Variants in OCA2 observed in about 807,000 individuals in gnomAD.
The protein encoded by OCA2 is P protein.
A neutral mutation model predicts 100.2 loss-of-function variants in OCA2; 77 were observed. That is an observed-to-expected ratio of 0.77 (90% CI 0.64 to 0.93). The LOEUF (loss-of-function observed/expected upper bound fraction) is 0.93, where lower values mean the gene tolerates loss of function less well. Ranked by LOEUF, OCA2 falls within the 40% of genes least tolerant of loss-of-function variation. OCA2 has a pLI of 0.00. For synonymous variants in OCA2, 432 were observed against 439.2 expected (o/e 0.98, Z 0.21); for missense variants, 1,062 against 1,089.1 (o/e 0.98, Z 0.35).
intron 2 of OCA2, among the ~76,000 whole-genome samples, chr15:28,042,355 G>A (rs764721984): frequency 9.9e-5 from 15 of 151,944 alleles, no homozygotes; most frequent in Non-Finnish European, 1.9e-4. Context: ...GGCCAGGTGC[G>A]GTGGCTCACG....
intron 2 of OCA2, among the ~76,000 whole-genome samples, chr15:28,078,388 G>A (rs967256633): frequency 6.6e-6 from 1 of 152,140 alleles, no homozygotes; most frequent in Non-Finnish European, 1.5e-5. Flanking sequence ...ATCCCTGAGA[G>A]TGGGCTGGAC....
At chr15:27,777,017 C>T (rs2032275117) in intron 23 of OCA2, among the ~76,000 whole-genome samples, 1 of 151,808 alleles carries the variant, frequency 6.6e-6, no homozygotes, top group Non-Finnish European at 1.5e-5. Context: ...TCCCCCCACA[C>T]CAGCCCTGCC....
chr15:27,831,284 C>CAAAAAAAAAAAAAAAAAAAAAAAAAAAA (rs71132824), intron 23 of OCA2, among the ~76,000 whole-genome samples: 1 of 62,618 alleles, frequency 1.6e-5, no homozygotes, highest in Non-Finnish European at 2.8e-5. Flanking sequence ...GACTCCGTCT[C>CAAAAAAAAAAAAAAAAAAAAAAAAAAAA]AAAAAAAAAA....
chr15:28,024,756 C>G, intron 5 of OCA2, 89 bp downstream of exon 5: 6 of 1,358,756 alleles, frequency 4.4e-6, no homozygotes, highest in Non-Finnish European at 6.3e-6. Flanking sequence ...CACTGAGCCC[C>G]ACACCTCAGG....
downstream of OCA2, among the ~76,000 whole-genome samples, chr15:27,754,030 C>T (rs935646754): frequency 6.6e-5 from 10 of 152,058 alleles, no homozygotes; most frequent in African/African-American, 1.2e-4. Flanking sequence ...AAGCAAAGTA[C>T]GGGCAGCACG....
chr15:27,725,526 C>T, the OCA2 span, among the ~76,000 whole-genome samples: 2 of 152,188 alleles, frequency 1.3e-5, no homozygotes, highest in African/African-American at 2.4e-5. Flanking sequence ...CAAGGTTGTG[C>T]CACTGCACTC....
intron 2 of OCA2, 60 bp from the exon 3 acceptor site, chr15:28,032,223 G>A: frequency 8.2e-7 from 1 of 1,223,688 alleles, no homozygotes; most frequent in East Asian, 2.3e-5. Context: ...TGTGTTCCCA[G>A]CACTCAGGTG....
At chr15:27,923,805 T>A (rs916192896) in intron 19 of OCA2, among the ~76,000 whole-genome samples, 1 of 152,204 alleles carries the variant, frequency 6.6e-6, no homozygotes, top group African/African-American at 2.4e-5. Flanking sequence ...TTTTTCCCAT[T>A]CTGTAGATTG....
chr15:27,937,212 C>A (rs962488970), intron 18 of OCA2, among the ~76,000 whole-genome samples: 1 of 152,104 alleles, frequency 6.6e-6, no homozygotes, highest in East Asian at 1.9e-4. Context: ...TTCTTTTGGC[C>A]AACACATTTG....
rs572599232 is a variant in OCA2, at chr15:27,790,656, G to A, written c.2433-35184C>T. ...TGTAAAGGGGTACCAGAAAAGTTCT[G>A]GGTGTGATGGAAATATTCTATGTCT... On this transcript the variant is annotated intron_variant, in intron 23 of 23. Transcript: ENST00000354638. 1.1e-3 allele frequency among the ~76,000 whole-genome samples: 171 copies of A among 152,284 alleles called. 1 individual carries two copies. Among genetic ancestry groups the A allele is most frequent in the Middle Eastern group, 6.8e-3 (2 of 294 alleles).
In OCA2 at chr15:27,761,488, A is replaced by C. The variant is rs974522453; in HGVS notation, c.2433-6016T>G. Among the ~76,000 whole-genome samples, 3 of 151,688 alleles carry C rather than the reference A, an allele frequency of 2.0e-5. No homozygotes were observed. In the East Asian group the frequency reaches 5.8e-4, roughly 29 times the overall value. ...AAAAAAAAAAACCCAAAGCAGTTCT[A>C]GATAAATGGAGAGATATAGAGTGTT... On this transcript the variant is annotated intron_variant, in intron 23 of 23. Transcript: ENST00000354638.
At chr15:27,890,800 G>C (rs1289307900) in intron 19 of OCA2, among the ~76,000 whole-genome samples, 1 of 152,180 alleles carries the variant, frequency 6.6e-6, no homozygotes, top group East Asian at 1.9e-4. Context: ...GGCCGAGGCA[G>C]GTGGATCACG....
At chr15:27,842,818 G>A (rs1473697783) in intron 23 of OCA2, among the ~76,000 whole-genome samples, 2 of 151,280 alleles carry the variant, frequency 1.3e-5, no homozygotes, top group East Asian at 1.9e-4. Context: ...CACAGTAACT[G>A]CACACACGCA....
chr15:27,890,794 G>A (rs1467216967), intron 19 of OCA2, among the ~76,000 whole-genome samples: 1 of 152,108 alleles, frequency 6.6e-6, no homozygotes, highest in Non-Finnish European at 1.5e-5. Flanking sequence ...TTGGGAGGCC[G>A]AGGCAGGTGG....
intron 2 of OCA2, among the ~76,000 whole-genome samples, chr15:28,067,964 G>C (rs956607562): frequency 2.0e-5 from 3 of 152,170 alleles, no homozygotes; most frequent in African/African-American, 7.2e-5. Context: ...GTGTGGTACT[G>C]TAAGTCTTTT....
At chr15:28,056,935 G>A (rs1466109500) in intron 2 of OCA2, among the ~76,000 whole-genome samples, 1 of 152,244 alleles carries the variant, frequency 6.6e-6, no homozygotes, top group African/African-American at 2.4e-5. Context: ...CCTGCCTCTG[G>A]TGCATGTGTG....
intron 2 of OCA2, among the ~76,000 whole-genome samples, chr15:28,069,379 TCCCTCCCCCTCC>T (rs1566862363): frequency 1.3e-4 from 1 of 7,644 alleles, no homozygotes; most frequent in Non-Finnish European, 2.1e-4. Flanking sequence ...CCTCTCCCTC[TCCCTCCCCCTCC>T]CCCTCCCCCT....
chr15:27,821,557 TCACA>T (rs1031206840), intron 23 of OCA2, among the ~76,000 whole-genome samples: 32 of 151,098 alleles, frequency 2.1e-4, no homozygotes, highest in Admixed American at 4.6e-4. Context: ...ATGCACACAT[TCACA>T]CACACACAAT....
chr15:27,753,644 G>A (rs1158685320), downstream of OCA2, among the ~76,000 whole-genome samples: 2 of 152,086 alleles, frequency 1.3e-5, no homozygotes, highest in African/African-American at 4.8e-5. Flanking sequence ...GGCTGAGGCA[G>A]GAGAATGGCG....
Sources: allele counts gnomAD v4.1 joint callset (sites outside exome capture counted in the v4.1 genomes callset), GRCh38; gene constraint gnomAD v4.1.1; transcripts MANE v1.5; gene names NCBI Gene and HGNC (gene_info 2026-07-23, HGNC 2026-07-21).